The following FRAS1 variants were observed in gnomAD, a reference collection of about 807,000 sequenced individuals.
FRAS1 encodes the protein Fraser extracellular matrix complex subunit 1.
A neutral mutation model predicts 435.2 loss-of-function variants in FRAS1; 290 were observed. The ratio of observed to expected loss-of-function variants is 0.67; its 90% CI spans 0.61 to 0.73. The LOEUF (loss-of-function observed/expected upper bound fraction) is 0.73. Ranked by LOEUF, FRAS1 falls within the 30% of genes least tolerant of loss-of-function variation. The probability of loss-of-function intolerance (pLI) is 0.00; values close to 1 mark genes in which losing one functional copy is unlikely to be tolerated. For synonymous variants in FRAS1, 1,800 were observed against 1,851.0 expected, an observed-to-expected ratio of 0.97 and a Z score of 0.71; for missense variants, 4,860 against 5,001.5, an observed-to-expected ratio of 0.97 and a Z score of 0.85.
intron 9 of FRAS1, 63 bp downstream of exon 9, chr4:78,267,495 T>A: frequency 6.8e-7 from 1 of 1,470,428 alleles, no homozygotes; most frequent in Non-Finnish European, 9.3e-7. Flanking sequence ...TAGTGAGGGG[T>A]CCTGCCTGTT....
At chr4:78,531,995 C>A (rs955137519) in intron 70 of FRAS1, among the ~76,000 whole-genome samples, 1 of 152,214 alleles carries the variant, frequency 6.6e-6, no homozygotes, top group Non-Finnish European at 1.5e-5. Context: ...CCATTATCAT[C>A]ACTTGTCTAA....
chr4:78,359,360 G>C (rs1260807), intron 20 of FRAS1, among the ~76,000 whole-genome samples: 98,397 of 151,986 alleles, frequency 0.65, 32,447 homozygotes, highest in African/African-American at 0.68. Context: ...TCTTTCCGTG[G>C]AGATCGTTAC....
At chr4:78,208,617 T>G (rs1723366930) in intron 2 of FRAS1, among the ~76,000 whole-genome samples, 1 of 152,114 alleles carries the variant, frequency 6.6e-6, no homozygotes, top group Non-Finnish European at 1.5e-5. Flanking sequence ...AAGGACACAT[T>G]TAGAGAAATG....
intron 2 of FRAS1, among the ~76,000 whole-genome samples, chr4:78,111,746 G>A (rs1560526491): frequency 2.0e-5 from 2 of 98,982 alleles, no homozygotes; most frequent in African/African-American, 4.5e-5. Flanking sequence ...AAAACTTAGA[G>A]TATAATAAAA....
At chr4:78,243,753 G>A (rs1725112173) in intron 3 of FRAS1, among the ~76,000 whole-genome samples, 1 of 151,970 alleles carries the variant, frequency 6.6e-6, no homozygotes, top group Non-Finnish European at 1.5e-5. Context: ...GGCTAAATCT[G>A]AAAGTTAGCT....
chr4:78,105,806 C>T (rs1054352000), intron 2 of FRAS1, among the ~76,000 whole-genome samples: 52 of 151,274 alleles, frequency 3.4e-4, no homozygotes, highest in Middle Eastern at 6.8e-3. Context: ...ACGCAGAAGA[C>T]GGATGATTTC....
At chr4:78,117,146 G>A (rs1718643179) in intron 2 of FRAS1, among the ~76,000 whole-genome samples, 1 of 152,206 alleles carries the variant, frequency 6.6e-6, no homozygotes, top group South Asian at 2.1e-4. Flanking sequence ...TTTAAAGAAT[G>A]TTGAATATTG....
intron 29 of FRAS1, among the ~76,000 whole-genome samples, chr4:78,388,656 A>C (rs186820800): frequency 0.013 from 1,917 of 148,326 alleles, 44 homozygotes; most frequent in African/African-American, 0.044. Flanking sequence ...TTTTTTTTTT[A>C]AATTAGCTGG....
intron 2 of FRAS1, among the ~76,000 whole-genome samples, chr4:78,212,934 T>A (rs1251626768): frequency 1.3e-5 from 2 of 152,186 alleles, no homozygotes; most frequent in Non-Finnish European, 2.9e-5. Context: ...AACAGAGGCT[T>A]CAGCCAATCC....
chr4:78,296,213 T>C (rs1728138492), intron 14 of FRAS1, among the ~76,000 whole-genome samples: 1 of 151,650 alleles, frequency 6.6e-6, no homozygotes, highest in Non-Finnish European at 1.5e-5. Flanking sequence ...GGTTTGCATA[T>C]CTCCAGCTTT....
chr4:78,474,244 G>A (rs1284807853), intron 53 of FRAS1, among the ~76,000 whole-genome samples: 1 of 152,226 alleles, frequency 6.6e-6, no homozygotes, highest in Non-Finnish European at 1.5e-5. Flanking sequence ...AGTTAGAAAG[G>A]CAAACAGAGA....
At chr4:78,362,426 T>C (rs1276839050) in intron 20 of FRAS1, among the ~76,000 whole-genome samples, 1 of 152,204 alleles carries the variant, frequency 6.6e-6, no homozygotes. Flanking sequence ...CAACCCCTTG[T>C]AGGAGAAAGC....
At chr4:78,058,472 C>T (rs1003463089) in intron 1 of FRAS1, among the ~76,000 whole-genome samples, 2 of 152,128 alleles carry the variant, frequency 1.3e-5, no homozygotes, top group African/African-American at 2.4e-5. Flanking sequence ...TTTAAAAATA[C>T]TTCTGTTCCT....
intron 41 of FRAS1, among the ~76,000 whole-genome samples, chr4:78,444,580 T>C (rs1410048610): frequency 6.6e-6 from 1 of 152,232 alleles, no homozygotes; most frequent in Non-Finnish European, 1.5e-5. Context: ...ATCCAGGCAA[T>C]GTTTGAAGAC....
chr4:78,126,297 A>G (rs1394659994), intron 2 of FRAS1, among the ~76,000 whole-genome samples: 54 of 152,100 alleles, frequency 3.6e-4, no homozygotes, highest in Admixed American at 3.5e-3. Flanking sequence ...TCCTCCAGGT[A>G]CAGTCACTCA....
chr4:78,237,284 C>T (rs1318272946), intron 2 of FRAS1, among the ~76,000 whole-genome samples: 1 of 152,186 alleles, frequency 6.6e-6, no homozygotes, highest in African/African-American at 2.4e-5. Flanking sequence ...CTCTCTGCCG[C>T]ATCCCCTTGT....
intron 58 of FRAS1, among the ~76,000 whole-genome samples, chr4:78,488,637 G>C (rs539246654): frequency 6.6e-6 from 1 of 152,292 alleles, no homozygotes; most frequent in Admixed American, 6.5e-5. Flanking sequence ...TACAAAGATA[G>C]GTACAAAATT....
intron 14 of FRAS1, among the ~76,000 whole-genome samples, chr4:78,288,045 G>A (rs1425549936): frequency 6.6e-6 from 1 of 152,166 alleles, no homozygotes; most frequent in African/African-American, 2.4e-5. Flanking sequence ...GAATGAATGA[G>A]AATACTACCA....
intron 61 of FRAS1, among the ~76,000 whole-genome samples, chr4:78,502,196 T>A (rs139078488): frequency 0.14 from 21,958 of 152,230 alleles, 1,900 homozygotes; most frequent in Non-Finnish European, 0.21. Flanking sequence ...GTCTTGGCAA[T>A]GAGGGCTCTT....
Sources: gnomAD v4.1 joint callset for allele counts (sites outside exome capture counted in the v4.1 genomes callset) on GRCh38, gnomAD v4.1.1 for gene constraint, MANE v1.5 for transcripts, NCBI Gene and HGNC (gene_info 2026-07-23, HGNC 2026-07-21) for gene names.